ZNF385B: variants seen among roughly 807,000 people sequenced by gnomAD.
ZNF385B encodes the protein zinc finger protein 385B, also known as zinc finger protein 533.
A neutral mutation model predicts 39.2 loss-of-function variants in ZNF385B; 23 were observed. The observed-to-expected ratio is 0.59, with a 90% CI of 0.42 to 0.83. The LOEUF (loss-of-function observed/expected upper bound fraction) is 0.83. ZNF385B is among the 40% of genes least tolerant of loss of function. ZNF385B has a pLI of 0.00. For synonymous variants in ZNF385B, 205 were observed against 222.6 expected, an observed-to-expected ratio of 0.92 and a Z score of 0.70; for missense variants, 552 against 598.9, an observed-to-expected ratio of 0.92 and a Z score of 0.82.
rs375460425 is a variant in ZNF385B at position 179,556,812 on chromosome 2, A to C, written c.299-11843T>G. Among the ~76,000 whole-genome samples the C allele has an allele frequency of 6.0e-5, 9 of 149,196 alleles. 1 individual carries two copies. In the South Asian group the frequency reaches 1.3e-3, roughly 21 times the overall value. On this transcript the variant is annotated intron_variant, in intron 3 of 9. Transcript: ENST00000410066. ...TCTTTGCTGAATTTAGGAGGTGAATAGGGGAGACTAACACAGACTCTAGTG... is the reference window on the plus strand; with the variant it reads ...TCTTTGCTGAATTTAGGAGGTGAATCGGGGAGACTAACACAGACTCTAGTG...
chr2:179,849,984 G>C (rs1375724390), intron 1 of ZNF385B, among the ~76,000 whole-genome samples: 1 of 152,214 alleles, frequency 6.6e-6, no homozygotes. Flanking sequence ...TGTGTGAAAG[G>C]TAGCAAACAG....
intron 3 of ZNF385B, among the ~76,000 whole-genome samples, chr2:179,670,182 C>T (rs1314191572): frequency 6.6e-6 from 1 of 151,444 alleles, no homozygotes; most frequent in African/African-American, 2.4e-5. Context: ...GTCCCAGCTA[C>T]TCGGGAGGCT....
chr2:179,563,549 CA>C (rs1305091906), intron 3 of ZNF385B, among the ~76,000 whole-genome samples: 1 of 152,072 alleles, frequency 6.6e-6, no homozygotes, highest in Non-Finnish European at 1.5e-5. Flanking sequence ...GTCAGATTTG[CA>C]CAGTAACTAT....
At chr2:179,736,126 A>C (rs1366411967) in intron 3 of ZNF385B, among the ~76,000 whole-genome samples, 1 of 152,190 alleles carries the variant, frequency 6.6e-6, no homozygotes, top group Non-Finnish European at 1.5e-5. Context: ...TTGGCCAGCA[A>C]GAACCATGAC....
chr2:179,605,156 A>G (rs7425514), intron 3 of ZNF385B, among the ~76,000 whole-genome samples: 29,067 of 152,130 alleles, frequency 0.19, 3,072 homozygotes, highest in Middle Eastern at 0.28. Context: ...GACATGTTAA[A>G]TGTTAATAAC....
chr2:179,547,067 T>C (rs981416619), intron 3 of ZNF385B, among the ~76,000 whole-genome samples: 2 of 149,686 alleles, frequency 1.3e-5, no homozygotes, highest in Admixed American at 1.3e-4. Context: ...CCATTTTTTA[T>C]TCAGGTTTTT....
At chr2:179,632,296 C>T (rs2367893) in intron 3 of ZNF385B, among the ~76,000 whole-genome samples, 57,987 of 151,898 alleles carry the variant, frequency 0.38, 11,221 homozygotes, top group African/African-American at 0.45. Context: ...ACCACATAAT[C>T]GGAAGTAAAG....
intron 1 of ZNF385B, among the ~76,000 whole-genome samples, chr2:179,837,765 C>T (rs149017926): frequency 1.3e-5 from 2 of 152,192 alleles, no homozygotes; most frequent in Non-Finnish European, 2.9e-5. Flanking sequence ...AAATATCAAG[C>T]CTATTTTCCT....
intron 3 of ZNF385B, among the ~76,000 whole-genome samples, chr2:179,761,521 T>C (rs1474162506): frequency 1.3e-5 from 2 of 152,096 alleles, no homozygotes; most frequent in Non-Finnish European, 2.9e-5. Flanking sequence ...TAAATGGTAT[T>C]TGCATTTTAA....
At chr2:179,817,876 C>A (rs1488750024) in intron 1 of ZNF385B, among the ~76,000 whole-genome samples, 2 of 152,120 alleles carry the variant, frequency 1.3e-5, no homozygotes, top group Non-Finnish European at 2.9e-5. Flanking sequence ...TGCGCATACG[C>A]AATTTTCCCC....
At chr2:179,570,735 G>A (rs1409022120) in intron 3 of ZNF385B, among the ~76,000 whole-genome samples, 14 of 152,036 alleles carry the variant, frequency 9.2e-5, no homozygotes, top group Admixed American at 7.2e-4. Flanking sequence ...TTATGCCAGG[G>A]CTTCTTAAAT....
At chr2:179,550,925 G>T (rs1436987317) in intron 3 of ZNF385B, among the ~76,000 whole-genome samples, 1 of 151,970 alleles carries the variant, frequency 6.6e-6, no homozygotes, top group Non-Finnish European at 1.5e-5. Flanking sequence ...TTCTCTAAAA[G>T]TGAAGGACTT....
In ZNF385B at chr2:179,446,507, C is replaced by A; in HGVS notation, c.961+18G>T. 6.3e-7 allele frequency: 1 copy of A among 1,597,098 alleles called. No homozygotes were observed. The highest frequency in any genetic ancestry group is 8.5e-7 in the Non-Finnish European group (1 of 1,172,222). On this transcript the variant is annotated intron_variant, in intron 7 of 9. Coordinates refer to ENST00000410066, the MANE Select transcript of ZNF385B (RefSeq NM_152520.6). ...TTTTGTTATAAACATTATTTAAATG[C>A]AAAAGATAGCTGCTAACCTGTGTTG...
intron 3 of ZNF385B, among the ~76,000 whole-genome samples, chr2:179,638,119 GAATA>G (rs1252273427): frequency 3.3e-5 from 5 of 152,090 alleles, no homozygotes; most frequent in African/African-American, 9.7e-5. Flanking sequence ...TATGAAAGAT[GAATA>G]AATTCGAGAG....
intron 5 of ZNF385B, among the ~76,000 whole-genome samples, chr2:179,504,060 T>C (rs1470298935): frequency 2.7e-5 from 4 of 147,724 alleles, no homozygotes; most frequent in African/African-American, 7.7e-5. Context: ...CAGAGTGTGA[T>C]AGTCCCCTTC....
intron 1 of ZNF385B, among the ~76,000 whole-genome samples, chr2:179,817,243 G>A (rs1707123338): frequency 6.6e-6 from 1 of 152,142 alleles, no homozygotes; most frequent in Admixed American, 6.5e-5. Context: ...GTAGCACAAA[G>A]TGACATAAGA....
At chr2:179,539,921 T>C (rs1321257622) in intron 4 of ZNF385B, among the ~76,000 whole-genome samples, 1 of 152,174 alleles carries the variant, frequency 6.6e-6, no homozygotes, top group African/African-American at 2.4e-5. Flanking sequence ...AGGGGGTTTT[T>C]GTTTTATTTA....
intron 1 of ZNF385B, among the ~76,000 whole-genome samples, chr2:179,813,471 G>C (rs1457453634): frequency 6.6e-6 from 1 of 152,080 alleles, no homozygotes; most frequent in African/African-American, 2.4e-5. Flanking sequence ...ACAGACAAAT[G>C]GTTGACAACA....
chr2:179,505,117 G>A (rs185754408), intron 5 of ZNF385B, among the ~76,000 whole-genome samples: 34 of 152,182 alleles, frequency 2.2e-4, no homozygotes, highest in African/African-American at 5.3e-4. Flanking sequence ...ACAGAGGGCC[G>A]CAGGGGAATT....
Sources: allele counts gnomAD v4.1 joint callset (sites outside exome capture counted in the v4.1 genomes callset), GRCh38; gene constraint gnomAD v4.1.1; transcripts MANE v1.5; gene names NCBI Gene and HGNC (gene_info 2026-07-23, HGNC 2026-07-21).